SENP1: variants seen among roughly 807,000 people sequenced by gnomAD.
SENP1 encodes sentrin-specific protease 1.
SENP1 carries 21 observed loss-of-function variants against 93.0 expected under a neutral mutation model. The observed-to-expected ratio is 0.23, with a 90% confidence interval of 0.16 to 0.33. The LOEUF (loss-of-function observed/expected upper bound fraction) is 0.33. Ranked by LOEUF, SENP1 falls within the 10% of genes least tolerant of loss-of-function variation. The probability of loss-of-function intolerance (pLI) is 1.00; values close to 1 mark genes in which losing one functional copy is unlikely to be tolerated. For missense variants in SENP1, 591 were observed against 758.7 expected (o/e 0.78, Z 2.60); for synonymous variants, 256 against 259.6 (o/e 0.99, Z 0.13).
chr12:48,099,094 G>A lies in SENP1; in HGVS notation c.5-970C>T, dbSNP rs946735230. On this transcript the variant is annotated intron_variant, in intron 2 of 17. Transcript: ENST00000549518. ...ACTAGCACTTTGGGAGGCTGAGGCA[G>A]ACGAATGGCTTGAGCCCAGGAGTTC... is the stretch of plus-strand genomic sequence containing the variant. 4 of 152,204 alleles carry A rather than the reference G, an allele frequency of 2.6e-5. No individual in the cohort carries two copies. The East Asian group carries it at 7.7e-4, about 29-fold the overall frequency. 9.4% of individuals were successfully genotyped at this position (152,204 alleles called of 1,614,324 possible).
chr12:48,088,914 G>A lies in SENP1; in HGVS notation c.267C>T (p.Thr89=), dbSNP rs776637068. The A allele has an allele frequency of 6.3e-7, 1 of 1,598,296 alleles. No homozygotes were observed. Among genetic ancestry groups the A allele is most frequent in the South Asian group, 1.1e-5 (1 of 88,776 alleles). Residue 89 remains threonine, a synonymous_variant, in exon 5 of 18, where the codon ACC becomes ACT. Transcript: ENST00000549518. ...DSFLGSGDLR[T]FGQSANGQWR... ...ATTGGCCATTTGCACTCTGGCCAAA[G>A]GTTCTTAAATCGCCTGAGCCAAGAA... is the stretch of plus-strand genomic sequence containing the variant.
At position 48,049,099 on chromosome 12, in the gene SENP1, G is replaced by A. The variant is rs1440497544; in HGVS notation, c.1441C>T (p.Arg481Ter). 6.2e-7 allele frequency: 1 copy of A among 1,613,456 alleles called. No individual in the cohort carries two copies. Among genetic ancestry groups the A allele is most frequent in the Non-Finnish European group, 8.5e-7 (1 of 1,179,530 alleles). ...CTTGGCAAGCCCTTCTCTTTACTTC[G>A]CTCCATCAGCATATTCATGTAGAAA... Reference protein sequence around the residue: ...INFYMNMLMERSKEKGLPSVH... With the variant: ...INFYMNMLME The change falls in exon 14 of 18, where the codon CGA becomes TGA. Residue 481 changes from arginine to a stop codon, truncating the protein, a stop_gained. Coordinates refer to ENST00000549518, the MANE Select transcript of SENP1 (RefSeq NM_001267594.2). LOFTEE classifies it high-confidence loss of function.
intron 5 of SENP1, among the ~76,000 whole-genome samples, chr12:48,086,828 C>A (rs1477348335): frequency 6.6e-6 from 1 of 152,184 alleles, no homozygotes; most frequent in Non-Finnish European, 1.5e-5. Context: ...ATCACAAGGT[C>A]TGGAGTTCGA....
chr12:48,105,101 AATAACCAATT>A (rs1301663244), intron 1 of SENP1: 2 of 234,890 alleles, frequency 8.5e-6, no homozygotes, highest in African/African-American at 4.5e-5. Flanking sequence ...ATACATCCAG[AATAACCAATT>A]ATAACAAAGA....
At chr12:48,073,283 T>TTTTTTTTTTCCTTTACAGTTCTCAGTG (rs2137033280) in intron 8 of SENP1, among the ~76,000 whole-genome samples, 1 of 99,148 alleles carries the variant, frequency 1.0e-5, no homozygotes, top group East Asian at 2.8e-4. Context: ...GTTTTTTGGC[T>TTTTTTTTTTCCTTTACAGTTCTCAGTG]TTTTTTTTTC....
At chr12:48,071,583 T>A (rs1479286592) in intron 9 of SENP1, 84 bp downstream of exon 9, 4 of 985,754 alleles carry the variant, frequency 4.1e-6, no homozygotes, top group Non-Finnish European at 6.2e-6. Flanking sequence ...GCCACTACAC[T>A]CCAGCCTGGG....
chr12:48,093,386 C>T (rs1413475086), intron 4 of SENP1, among the ~76,000 whole-genome samples: 2 of 149,870 alleles, frequency 1.3e-5, no homozygotes, highest in African/African-American at 4.9e-5. Context: ...TGGGTTCAAG[C>T]GATTCTTCTG....
At position 48,048,085 on chromosome 12, in the gene SENP1, G is replaced by C; in HGVS notation, c.1612-5C>G. 1 of 1,581,182 alleles carries C rather than the reference G, an allele frequency of 6.3e-7. No individual in the cohort carries two copies. The highest frequency in any genetic ancestry group is 1.1e-5 in the South Asian group (1 of 89,930). On this transcript the variant is annotated splice_polypyrimidine_tract_variant and splice_region_variant and intron_variant, in intron 14 of 17. Transcript: ENST00000549518. ...CTTCTTTCTAAAGTCCACAACCTGA[G>C]AATAAGAAAAAAAGTCTCTGTGTTT...
chr12:48,075,306 T>C (rs976789337), intron 6 of SENP1, among the ~76,000 whole-genome samples: 1 of 152,152 alleles, frequency 6.6e-6, no homozygotes, highest in Non-Finnish European at 1.5e-5. Context: ...TAATATACTT[T>C]GAAAAATTAT....
At position 48,053,480 on chromosome 12, in the gene SENP1, GA is replaced by G. The variant is rs56951392; in HGVS notation, c.1408-4349del. Among the ~76,000 whole-genome samples the G allele has an allele frequency of 7.6e-3, 608 of 79,708 alleles. 1 individual carries two copies. The highest frequency in any genetic ancestry group is 8.8e-3 in the Middle Eastern group (1 of 114). 52.3% of individuals were successfully genotyped at this position (79,708 alleles called of 152,430 possible). ...ATTACAGAGTGAGACCCTGTCTCAG[GA>G]AAAAAAAAAAAAAAAAAAAGAATGT... On this transcript the variant is annotated intron_variant, in intron 13 of 17. Transcript: ENST00000549518.
At chr12:48,077,175 G>T (rs1053087990) in intron 6 of SENP1, among the ~76,000 whole-genome samples, 12 of 152,158 alleles carry the variant, frequency 7.9e-5, no homozygotes, top group Admixed American at 7.2e-4. Context: ...TATATATTTT[G>T]AATATCAACC....
rs1166288024 is a variant in SENP1, at chr12:48,043,348, TACAGAGA to T, written c.*1967_*1973del. 6.6e-6 allele frequency: 1 copy of T among 152,634 alleles called. No homozygotes were observed. The highest frequency in any genetic ancestry group is 1.5e-5 in the Non-Finnish European group (1 of 68,040). The allele number at this position is 152,634 out of a possible 1,614,324, so 9.5% of individuals were successfully genotyped here. On this transcript the variant is annotated 3_prime_UTR_variant, in exon 18 of 18. Transcript: ENST00000549518. Reference sequence around the variant, plus strand: ...GTTACCTAAATGGACAAACAATAAATACAGAGAACAATCTTGTTCTGAGTCCCCCAGA... The same window carrying T: ...GTTACCTAAATGGACAAACAATAAATACAATCTTGTTCTGAGTCCCCCAGA...
chr12:48,077,890 C>A (rs1592394754), intron 6 of SENP1, among the ~76,000 whole-genome samples: 1 of 152,070 alleles, frequency 6.6e-6, no homozygotes, highest in East Asian at 1.9e-4. Flanking sequence ...TTTGTTCTTT[C>A]TGCTCATAAT....
chr12:48,084,665 C>T (rs1276249096), intron 5 of SENP1, among the ~76,000 whole-genome samples: 1 of 152,072 alleles, frequency 6.6e-6, no homozygotes, highest in Non-Finnish European at 1.5e-5. Flanking sequence ...CTAGGCTGAT[C>T]TTGAACTCCT....
chr12:48,067,927 C>A (rs1021070283), intron 9 of SENP1, among the ~76,000 whole-genome samples: 1 of 152,184 alleles, frequency 6.6e-6, no homozygotes, highest in Non-Finnish European at 1.5e-5. Context: ...GTGGCACAAT[C>A]TCGGCTCACT....
Position 48,097,949 on chromosome 12 carries a change from G to A in SENP1, c.135+45C>T, listed in dbSNP as rs1945671513. On this transcript the variant is annotated intron_variant, in intron 3 of 17. Transcript: ENST00000549518. ...ACTACATAAGATGAAAACTTATGATGAGCCCAAATAATTAATTAATTAAAG... is the reference window on the plus strand; with the variant it reads ...ACTACATAAGATGAAAACTTATGATAAGCCCAAATAATTAATTAATTAAAG... 4 of 1,568,412 alleles carry A rather than the reference G, an allele frequency of 2.6e-6. No individual in the cohort carries two copies. In the African/African-American group the frequency reaches 4.1e-5, roughly 16 times the overall value.
intron 5 of SENP1, chr12:48,085,438 C>G: frequency 2.7e-5 from 23 of 864,466 alleles, no homozygotes; most frequent in Non-Finnish European, 3.8e-5. Context: ...TGTGTGAGGA[C>G]TCCTCACAGC....
chr12:48,105,569 G>A (rs1171478117), intron 1 of SENP1: 4 of 494,246 alleles, frequency 8.1e-6, no homozygotes, highest in Non-Finnish European at 1.6e-5. Context: ...AGACGCAGAA[G>A]TAGTCAAGAA....
chr12:48,046,953 T>C (rs1296851998), intron 16 of SENP1, 25 bp downstream of exon 16: 2 of 1,536,512 alleles, frequency 1.3e-6, no homozygotes, highest in Non-Finnish European at 1.8e-6. Context: ...TTTTAGGACT[T>C]TTATTTCATC....
Sources: allele counts gnomAD v4.1 joint callset (sites outside exome capture counted in the v4.1 genomes callset), GRCh38; gene constraint gnomAD v4.1.1; transcripts MANE v1.5; gene names NCBI Gene and HGNC (gene_info 2026-07-23, HGNC 2026-07-21).